Variants in NAALADL2 observed in about 807,000 individuals in gnomAD.
NAALADL2 encodes inactive N-acetylated-alpha-linked acidic dipeptidase-like protein 2.
In NAALADL2, 76 loss-of-function variants were observed where a neutral mutation model predicts 87.2. The observed-to-expected ratio is 0.87, with a 90% CI of 0.72 to 1.05. The LOEUF is 1.05. Among genes scored for constraint, NAALADL2 ranks in the 50% least tolerant of loss-of-function variants. NAALADL2 has a pLI of 0.00. For missense variants in NAALADL2, 1,089 were observed against 945.8 expected, an observed-to-expected ratio of 1.15 and a Z score of -1.99; for synonymous variants, 354 against 331.0, an observed-to-expected ratio of 1.07 and a Z score of -0.75.
intron 2 of NAALADL2, among the ~76,000 whole-genome samples, chr3:175,114,789 A>G (rs1017946388): frequency 1.3e-5 from 2 of 151,668 alleles, no homozygotes; most frequent in Non-Finnish European, 3.0e-5. Context: ...TATTTATTAC[A>G]TAGTGCTTGT....
chr3:175,096,943 T>A lies in NAALADL2; in HGVS notation c.197T>A (p.Leu66Gln), dbSNP rs766683515. ...GAGTCTGGTTTTGACCAATTCCAGC[T>A]AGACGGTGCTGAGAATCAGAACCTA... ...LEESGFDQFQ[L>Q]DGAENQNLGH... Residue 66 changes from leucine (L) to glutamine (Q), a missense_variant, in exon 2 of 14, where the codon CTA becomes CAA. Coordinates refer to ENST00000454872, the MANE Select transcript of NAALADL2 (RefSeq NM_207015.3). 1.2e-6 allele frequency: 2 copies of A among 1,613,266 alleles called. No individual in the cohort carries two copies. Among genetic ancestry groups the A allele is most frequent in the African/African-American group, 2.7e-5 (2 of 74,842 alleles).
intron 3 of NAALADL2, among the ~76,000 whole-genome samples, chr3:174,852,611 T>A (rs1405112608): frequency 6.6e-6 from 1 of 152,072 alleles, no homozygotes; most frequent in Non-Finnish European, 1.5e-5. Flanking sequence ...AATGGAAGAA[T>A]AAATGTGGTT....
chr3:175,442,244 C>G (rs1316603764), intron 5 of NAALADL2, among the ~76,000 whole-genome samples: 2 of 151,958 alleles, frequency 1.3e-5, no homozygotes, highest in African/African-American at 4.8e-5. Flanking sequence ...CACGCCTGGC[C>G]AACACTGACT....
intron 2 of NAALADL2, among the ~76,000 whole-genome samples, chr3:175,162,330 C>T (rs982908996): frequency 2.6e-5 from 4 of 152,180 alleles, no homozygotes; most frequent in Admixed American, 6.6e-5. Flanking sequence ...TTAAAATTTG[C>T]ACTGCAATAG....
chr3:174,956,718 G>T (rs1021320635), intron 1 of NAALADL2, among the ~76,000 whole-genome samples: 2 of 151,978 alleles, frequency 1.3e-5, no homozygotes. Flanking sequence ...GGGTGGAATG[G>T]GGAGACACAG....
At chr3:174,692,840 T>C (rs1041707361) in intron 2 of NAALADL2, among the ~76,000 whole-genome samples, 3 of 151,798 alleles carry the variant, frequency 2.0e-5, no homozygotes, top group East Asian at 3.9e-4. Flanking sequence ...GCAATCATTA[T>C]TGTCTCTTTT....
At chr3:175,652,001 T>G (rs1160338207) in intron 11 of NAALADL2, among the ~76,000 whole-genome samples, 2 of 152,246 alleles carry the variant, frequency 1.3e-5, no homozygotes, top group African/African-American at 4.8e-5. Flanking sequence ...ATTCTTTTTT[T>G]ATTAAAGTGC....
chr3:175,367,933 C>G (rs1202234144), intron 5 of NAALADL2, among the ~76,000 whole-genome samples: 13 of 152,052 alleles, frequency 8.5e-5, no homozygotes, highest in Non-Finnish European at 1.6e-4. Flanking sequence ...TGTCTTGTGC[C>G]AGTTTTCAAA....
intron 9 of NAALADL2, among the ~76,000 whole-genome samples, chr3:175,480,037 C>T (rs2149316284): frequency 6.6e-6 from 1 of 151,800 alleles, no homozygotes; most frequent in East Asian, 1.9e-4. Flanking sequence ...TGGATGACTG[C>T]TTTAGTCAAC....
intron 1 of NAALADL2, among the ~76,000 whole-genome samples, chr3:175,031,587 C>T (rs1185719132): frequency 6.6e-6 from 1 of 152,040 alleles, no homozygotes; most frequent in African/African-American, 2.4e-5. Context: ...CATACAAGTG[C>T]ATGTTTCTTT....
chr3:175,730,429 T>TAG (rs1561048888), intron 11 of NAALADL2, among the ~76,000 whole-genome samples: 3 of 87,862 alleles, frequency 3.4e-5, no homozygotes, highest in Non-Finnish European at 7.4e-5. Flanking sequence ...TATATATATA[T>TAG]ATATATATAT....
intron 12 of NAALADL2, among the ~76,000 whole-genome samples, chr3:175,745,273 A>AT (rs1745768109): frequency 6.6e-6 from 1 of 152,208 alleles, no homozygotes; most frequent in African/African-American, 2.4e-5. Flanking sequence ...TGCCAAGCAC[A>AT]TAATGGAGAA....
At chr3:174,721,014 A>G (rs1273585495) in intron 2 of NAALADL2, among the ~76,000 whole-genome samples, 2 of 152,226 alleles carry the variant, frequency 1.3e-5, no homozygotes, top group Non-Finnish European at 2.9e-5. Context: ...AATGATTATT[A>G]AATATTGAAC....
chr3:175,324,215 T>C lies in NAALADL2; in HGVS notation c.980T>C (p.Leu327Pro), dbSNP rs779468689. 2 of 1,613,776 alleles carry C rather than the reference T, an allele frequency of 1.2e-6. No individual in the cohort carries two copies. The highest frequency in any genetic ancestry group is 1.7e-6 in the Non-Finnish European group (2 of 1,179,742). ...LEKAGFGGVL[L>P]YIDPCDLPKT... ...AAGGCTGGATTTGGAGGTGTTCTTC[T>C]GTATATCGATCCTTGTGATTTGCCA... The change falls in exon 5 of 14, where the codon CTG becomes CCG. Residue 327 changes from leucine (L) to proline (P), a missense_variant. Transcript: ENST00000454872.
At chr3:174,930,729 C>A (rs1736762854) in intron 1 of NAALADL2, among the ~76,000 whole-genome samples, 1 of 146,730 alleles carries the variant, frequency 6.8e-6, no homozygotes, top group South Asian at 2.2e-4. Flanking sequence ...TCTCACCATT[C>A]TCCTGCCTCA....
chr3:175,740,222 G>A (rs539284133), intron 12 of NAALADL2, among the ~76,000 whole-genome samples: 2 of 152,302 alleles, frequency 1.3e-5, no homozygotes, highest in South Asian at 4.1e-4. Context: ...CTGGTAATGG[G>A]TAAACAAAAG....
At chr3:175,206,375 A>C (rs1383705828) in intron 2 of NAALADL2, among the ~76,000 whole-genome samples, 1 of 149,658 alleles carries the variant, frequency 6.7e-6, no homozygotes, top group Non-Finnish European at 1.5e-5. Flanking sequence ...ATGGAATACT[A>C]TTCAGCCATA....
intron 9 of NAALADL2, among the ~76,000 whole-genome samples, chr3:175,509,116 CAA>C (rs992775166): frequency 2.7e-5 from 3 of 111,516 alleles, no homozygotes; most frequent in African/African-American, 3.4e-5. Flanking sequence ...AACTCCGTGT[CAA>C]AAAAAAAAAA....
chr3:175,059,658 G>A (rs1412950994), intron 1 of NAALADL2: 1 of 351,022 alleles, frequency 2.8e-6, no homozygotes, highest in South Asian at 2.7e-5. Context: ...GATTCATTCT[G>A]GGCAAGCCAT....
Sources: gnomAD v4.1 joint callset for allele counts (sites outside exome capture counted in the v4.1 genomes callset) on GRCh38, gnomAD v4.1.1 for gene constraint, MANE v1.5 for transcripts, NCBI Gene and HGNC (gene_info 2026-07-23, HGNC 2026-07-21) for gene names.